Variants in RSPH14 observed in about 807,000 individuals in gnomAD.
RSPH14 encodes radial spoke head 14 homolog.
In RSPH14, 20 loss-of-function variants were observed where a neutral mutation model predicts 26.7. The ratio of observed to expected loss-of-function variants is 0.75; its 90% CI spans 0.53 to 1.09. RSPH14 has a LOEUF of 1.09. Among genes scored for constraint, RSPH14 ranks in the 50% least tolerant of loss-of-function variants. The probability of loss-of-function intolerance (pLI) is 0.00; values close to 1 mark genes in which losing one functional copy is unlikely to be tolerated. For synonymous variants in RSPH14, 177 were observed against 189.3 expected, an observed-to-expected ratio of 0.93 and a Z score of 0.53; for missense variants, 449 against 457.2, an observed-to-expected ratio of 0.98 and a Z score of 0.16.
At chr22:23,169,322 AGATGACAGATGATG>A in the RSPH14 span, among the ~76,000 whole-genome samples, 17 of 152,248 alleles carry the variant, frequency 1.1e-4, no homozygotes, top group Non-Finnish European at 1.9e-4. Context: ...TATGGTTGAT[AGATGACAGATGATG>A]GATGACAGAT....
At chr22:23,170,545 T>C in the RSPH14 span, among the ~76,000 whole-genome samples, 1 of 151,294 alleles carries the variant, frequency 6.6e-6, no homozygotes, top group Admixed American at 6.6e-5. Flanking sequence ...GCTCAGGAGT[T>C]TGAGAGAAGC....
chr22:23,167,425 T>C, the RSPH14 span, among the ~76,000 whole-genome samples: 1 of 152,140 alleles, frequency 6.6e-6, no homozygotes, highest in Non-Finnish European at 1.5e-5. Flanking sequence ...TCTCAGCATC[T>C]TTCAACCCTG....
rs1324623524 is a variant in RSPH14, at chr22:23,138,910, C to T, written c.232G>A (p.Asp78Asn). Reference protein sequence around the residue: ...CMENLKALLKDSNSMVRIKTT... With the variant: ...CMENLKALLKNSNSMVRIKTT... ...TTTATGCGCACCATACTGTTGCTAT[C>T]CTTCAGCAAAGCTTTCAGGTTCTCC... The change falls in exon 3 of 7, where the codon GAT becomes AAT. Residue 78 changes from aspartate (D) to asparagine (N), a missense_variant. By Grantham distance (23) the Asp-to-Asn change is conservative. Transcript: ENST00000216036. 1.3e-6 allele frequency: 2 copies of T among 1,549,636 alleles called. No homozygotes were observed.
chr22:23,135,185 G>C (rs1343651603), intron 3 of RSPH14, among the ~76,000 whole-genome samples: 16 of 151,820 alleles, frequency 1.1e-4, no homozygotes, highest in Non-Finnish European at 1.0e-4. Flanking sequence ...AAAATAAAAA[G>C]ATTCTAGGCC....
chr22:23,161,406 G>C, the RSPH14 span: 2 of 1,152,684 alleles, frequency 1.7e-6, no homozygotes, highest in South Asian at 2.6e-5. Context: ...AGAAGCTTCA[G>C]CTCACAGCTC....
chr22:23,128,387 C>T (rs764789067), intron 4 of RSPH14, among the ~76,000 whole-genome samples: 7 of 152,346 alleles, frequency 4.6e-5, no homozygotes, highest in African/African-American at 9.6e-5. Context: ...CTGTGCATCA[C>T]TCAGGGCCCA....
chr22:23,177,259 G>A, the RSPH14 span, among the ~76,000 whole-genome samples: 5 of 151,956 alleles, frequency 3.3e-5, no homozygotes, highest in Admixed American at 6.6e-5. Flanking sequence ...GCCTTTCCCC[G>A]AACTGTGCCT....
At chr22:23,102,536 T>G (rs2069334197) in intron 4 of RSPH14, among the ~76,000 whole-genome samples, 1 of 152,144 alleles carries the variant, frequency 6.6e-6, no homozygotes, top group Non-Finnish European at 1.5e-5. Flanking sequence ...GGGTAGGTCC[T>G]TGGTCAGAGG....
At chr22:23,069,886 T>A (rs1009791582) in intron 4 of RSPH14, among the ~76,000 whole-genome samples, 4 of 151,838 alleles carry the variant, frequency 2.6e-5, no homozygotes, top group Non-Finnish European at 4.4e-5. Context: ...CTGAGAGAGG[T>A]CAGTCGGTTG....
At chr22:23,150,434 G>A in the RSPH14 span, among the ~76,000 whole-genome samples, 37 of 151,512 alleles carry the variant, frequency 2.4e-4, no homozygotes, top group Admixed American at 1.4e-3. Flanking sequence ...CCCGAGTAGC[G>A]GGGACTACAG....
At chr22:23,076,420 T>C (rs1161968543) in intron 4 of RSPH14, among the ~76,000 whole-genome samples, 1 of 152,186 alleles carries the variant, frequency 6.6e-6, no homozygotes, top group African/African-American at 2.4e-5. Context: ...GGCTGAGCTG[T>C]GTGCTCGTGC....
chr22:23,168,153 G>T, the RSPH14 span, among the ~76,000 whole-genome samples: 1 of 151,912 alleles, frequency 6.6e-6, no homozygotes, highest in Non-Finnish European at 1.5e-5. Flanking sequence ...CACTCCTCCC[G>T]CAGCCCACAC....
the RSPH14 span, chr22:23,158,835 C>T: frequency 2.0e-6 from 3 of 1,484,290 alleles, no homozygotes; most frequent in African/African-American, 1.4e-5. Context: ...CAAGTGTGCC[C>T]TCTGCCCCCT....
chr22:23,160,807 C>G, the RSPH14 span: 1 of 1,559,860 alleles, frequency 6.4e-7, no homozygotes, highest in East Asian at 2.3e-5. Context: ...GCTAGCCTGG[C>G]TTTCACACCC....
At chr22:23,150,316 T>G in the RSPH14 span, among the ~76,000 whole-genome samples, 15 of 150,666 alleles carry the variant, frequency 1.0e-4, no homozygotes, top group Admixed American at 2.6e-4. Flanking sequence ...TTTTTTTTTT[T>G]TTTGAGACAG....
At chr22:23,151,238 G>A in the RSPH14 span, among the ~76,000 whole-genome samples, 1 of 152,360 alleles carries the variant, frequency 6.6e-6, no homozygotes, top group Non-Finnish European at 1.5e-5. Flanking sequence ...GTTGGGGAAT[G>A]CTGGTGCCAT....
chr22:23,061,685 G>GTTTTT, intron 6 of RSPH14, 124 bp downstream of exon 6: 1 of 994,562 alleles, frequency 1.0e-6, no homozygotes, highest in Non-Finnish European at 1.4e-6. Flanking sequence ...CCAAGGGGAG[G>GTTTTT]TTTTTTTTTT....
In RSPH14 at chr22:23,140,424, T is replaced by A; in HGVS notation, c.-4A>T. 1 of 1,613,914 alleles carries A rather than the reference T, an allele frequency of 6.2e-7. No homozygotes were observed. The highest frequency in any genetic ancestry group is 1.1e-5 in the South Asian group (1 of 91,010). On this transcript the variant is annotated 5_prime_UTR_variant, in exon 2 of 7. Transcript: ENST00000216036. ...AGGAGTTCTGGGAATGGGCCATCTT[T>A]CCCCAACTACAGAGGCCTTTCCAAA... is the stretch of plus-strand genomic sequence containing the variant.
At chr22:23,168,457 G>A in the RSPH14 span, among the ~76,000 whole-genome samples, 4,687 of 152,228 alleles carry the variant, frequency 0.031, 249 homozygotes, top group African/African-American at 0.11. Context: ...GGGAGAAGCG[G>A]CTCCTGGAGA....
Sources: allele counts gnomAD v4.1 joint callset (sites outside exome capture counted in the v4.1 genomes callset), GRCh38; gene constraint gnomAD v4.1.1; transcripts MANE v1.5; gene names NCBI Gene and HGNC (gene_info 2026-07-23, HGNC 2026-07-21).